The following HPS5 variants were observed in gnomAD, a reference collection of about 807,000 sequenced individuals.
The protein encoded by HPS5 is BLOC-2 complex member HPS5.
In HPS5, 83 loss-of-function variants were observed where a neutral mutation model predicts 128.0. The ratio of observed to expected loss-of-function variants is 0.65; its 90% confidence interval spans 0.54 to 0.78. The LOEUF is 0.78. HPS5 is among the 30% of genes least tolerant of loss of function. HPS5 has a pLI of 0.00. For missense variants in HPS5, 1,281 were observed against 1,326.2 expected, an observed-to-expected ratio of 0.97 and a Z score of 0.53; for synonymous variants, 475 against 470.2, an observed-to-expected ratio of 1.01 and a Z score of -0.13.
At chr11:18,308,535 C>T (rs1396357169) in intron 6 of HPS5, among the ~76,000 whole-genome samples, 2 of 152,270 alleles carry the variant, frequency 1.3e-5, no homozygotes, top group East Asian at 3.9e-4. Flanking sequence ...ATCTGTATAG[C>T]CAGGGGCAGT....
rs965467093 is a variant in HPS5 at position 18,297,730 on chromosome 11, C to T, written c.1165-13G>A. On this transcript the variant is annotated splice_polypyrimidine_tract_variant and intron_variant, in intron 10 of 22. Transcript: ENST00000349215. ...AAGTTTTTCTTGCCTAATAAAACAA[C>T]AGCGCAATGGAATAGCTATTTGTAG... is the stretch of plus-strand genomic sequence containing the variant. 5 of 1,611,900 alleles carry T rather than the reference C, an allele frequency of 3.1e-6. No individual in the cohort carries two copies. The highest frequency in any genetic ancestry group is 2.7e-5 in the African/African-American group (2 of 74,912).
At chr11:18,293,017 T>C in intron 14 of HPS5, 41 bp from the exon 15 acceptor site, 2 of 1,504,286 alleles carry the variant, frequency 1.3e-6, no homozygotes, top group South Asian at 1.1e-5. Context: ...TCACAAGAGT[T>C]AGAGGGGATC....
At chr11:18,280,398 G>A in intron 22 of HPS5, 1 of 573,606 alleles carries the variant, frequency 1.7e-6, no homozygotes, top group South Asian at 2.3e-5. Context: ...CAAGTGTGGG[G>A]CTAGCACATG....
chr11:18,283,954 G>A, intron 20 of HPS5, 53 bp from the exon 21 acceptor site: 1 of 1,228,222 alleles, frequency 8.1e-7, no homozygotes, highest in Non-Finnish European at 1.2e-6. Flanking sequence ...AATTTATCTG[G>A]AGCTGTGCTG....
chr11:18,284,840 C>A lies in HPS5; in HGVS notation c.2951+506G>T, dbSNP rs1398321910. 2.0e-5 allele frequency among the ~76,000 whole-genome samples: 3 copies of A among 152,192 alleles called. No individual in the cohort carries two copies. In the East Asian group the frequency reaches 5.8e-4, roughly 29 times the overall value. ...AGTGTGACATGGATAATAAGCAATG[C>A]CAGTTTTCCACGCCCTTGCTCTGTT... On this transcript the variant is annotated intron_variant, in intron 20 of 22. Transcript: ENST00000349215.
intron 1 of HPS5, among the ~76,000 whole-genome samples, chr11:18,321,676 A>G (rs1437745650): frequency 6.6e-6 from 1 of 152,192 alleles, no homozygotes; most frequent in Non-Finnish European, 1.5e-5. Flanking sequence ...GAGGAGAAAG[A>G]AGTAAGAAAG....
chr11:18,294,034 T>G (rs1421496168), intron 14 of HPS5, among the ~76,000 whole-genome samples: 1 of 152,230 alleles, frequency 6.6e-6, no homozygotes, highest in Non-Finnish European at 1.5e-5. Flanking sequence ...CTCTCTTAAT[T>G]CCTGGGTAAG....
intron 7 of HPS5, 71 bp from the exon 8 acceptor site, chr11:18,305,564 T>C: frequency 8.1e-7 from 1 of 1,241,098 alleles, no homozygotes; most frequent in Non-Finnish European, 1.2e-6. Context: ...CTTTTCCCAA[T>C]ATAGGGAAAT....
chr11:18,288,820 C>T (rs1017307692), intron 16 of HPS5, among the ~76,000 whole-genome samples: 3 of 150,910 alleles, frequency 2.0e-5, no homozygotes, highest in Non-Finnish European at 2.9e-5. Flanking sequence ...TGCGCACATG[C>T]GTGTGTGGAG....
intron 2 of HPS5, among the ~76,000 whole-genome samples, chr11:18,312,401 T>C (rs1012611252): frequency 5.3e-5 from 8 of 152,188 alleles, no homozygotes; most frequent in African/African-American, 1.7e-4. Flanking sequence ...AGGTTAAATA[T>C]TCGTTCATTT....
Position 18,306,176 on chromosome 11 carries a change from C to T in HPS5, c.783G>A (p.Lys261=). ...GGAGAGGTGGCAACGAGAGGAGTTT[C>T]TTGAACTGATGTGTACTTATAACTT... ...DGEVISTHQF[K]KLLSLPPLPV... Residue 261 remains lysine (K), a synonymous_variant, in exon 7 of 23, where the codon AAG becomes AAA. Transcript: ENST00000349215. The T allele has an allele frequency of 1.2e-6, 2 of 1,614,074 alleles. No individual in the cohort carries two copies. Among genetic ancestry groups the T allele is most frequent in the South Asian group, 1.1e-5 (1 of 91,082 alleles).
At chr11:18,307,319 C>T (rs1216101651) in intron 6 of HPS5, among the ~76,000 whole-genome samples, 3 of 152,182 alleles carry the variant, frequency 2.0e-5, no homozygotes, top group Non-Finnish European at 4.4e-5. Context: ...ATAACTACTT[C>T]TGTACTTAAT....
chr11:18,286,782 G>C (rs776049579), intron 18 of HPS5, 72 bp from the exon 19 acceptor site: 1 of 1,589,346 alleles, frequency 6.3e-7, no homozygotes, highest in South Asian at 1.1e-5. Context: ...TGGGGAGTGT[G>C]AAGAAAACCT....
At chr11:18,308,367 A>G (rs2134451575) in intron 6 of HPS5, among the ~76,000 whole-genome samples, 1 of 152,314 alleles carries the variant, frequency 6.6e-6, no homozygotes, top group East Asian at 1.9e-4. Flanking sequence ...TTTCCCATCT[A>G]AAAACAGGCC....
At chr11:18,310,428 A>G (rs763997018) in intron 5 of HPS5, among the ~76,000 whole-genome samples, 42 of 152,346 alleles carry the variant, frequency 2.8e-4, no homozygotes, top group Non-Finnish European at 4.6e-4. Flanking sequence ...TAATAAATAG[A>G]TATCTTTTCT....
chr11:18,283,969 A>G (rs899761114), intron 20 of HPS5, 68 bp from the exon 21 acceptor site: 1 of 1,002,036 alleles, frequency 1.0e-6, no homozygotes, highest in Non-Finnish European at 1.6e-6. Flanking sequence ...GTGCTGCCCA[A>G]AACAGTAGAC....
At chr11:18,295,892 A>G (rs1861005732) in intron 13 of HPS5, 107 bp downstream of exon 13, 1 of 1,227,734 alleles carries the variant, frequency 8.1e-7, no homozygotes, top group Admixed American at 1.7e-5. Context: ...TATATGGAAA[A>G]CAAGAGACTT....
intron 6 of HPS5, among the ~76,000 whole-genome samples, chr11:18,307,052 G>A (rs77593633): frequency 0.027 from 4,099 of 152,216 alleles, 84 homozygotes; most frequent in African/African-American, 0.053. Flanking sequence ...GGAATTACAC[G>A]CTTCCTATGC....
Position 18,285,331 on chromosome 11 carries a change from A to G in HPS5, c.2951+15T>C. The G allele has an allele frequency of 1.3e-6, 2 of 1,540,184 alleles. No individual in the cohort carries two copies. The highest frequency in any genetic ancestry group is 1.8e-6 in the Non-Finnish European group (2 of 1,113,166). On this transcript the variant is annotated intron_variant, in intron 20 of 22. Coordinates refer to ENST00000349215, the MANE Select transcript of HPS5 (RefSeq NM_181507.2). The stretch of plus-strand genomic sequence containing the variant: ...TTCTAACCTTAACTTCAGTTTCTAA[A>G]AAATTCTCACTTACCCACAAGACCT...
Sources: allele counts gnomAD v4.1 joint callset (sites outside exome capture counted in the v4.1 genomes callset), GRCh38; gene constraint gnomAD v4.1.1; transcripts MANE v1.5; gene names NCBI Gene and HGNC (gene_info 2026-07-23, HGNC 2026-07-21).